The following DNAH10 variants were observed in gnomAD, a reference collection of about 807,000 sequenced individuals.
DNAH10 encodes axonemal beta dynein heavy chain 10.
Under a neutral mutation model 506.6 loss-of-function variants are expected in DNAH10, and 348 were observed. The observed-to-expected ratio is 0.69, with a 90% CI of 0.63 to 0.75. The LOEUF (loss-of-function observed/expected upper bound fraction) is 0.75, where lower values mean the gene tolerates loss of function less well. Ranked by LOEUF, DNAH10 falls within the 30% of genes least tolerant of loss-of-function variation. The pLI is 0.00. For missense variants in DNAH10, 5,179 were observed against 5,787.1 expected, an observed-to-expected ratio of 0.89 and a Z score of 3.41; for synonymous variants, 2,059 against 2,198.6, an observed-to-expected ratio of 0.94 and a Z score of 1.78.
chr12:123,831,572 T>C (rs964825999), intron 26 of DNAH10, among the ~76,000 whole-genome samples: 1 of 152,160 alleles, frequency 6.6e-6, no homozygotes, highest in Admixed American at 6.5e-5. Context: ...TGTAACCTAA[T>C]AGTACGTGTG....
At chr12:123,830,136 T>C (rs1960385002) in intron 25 of DNAH10, among the ~76,000 whole-genome samples, 1 of 152,200 alleles carries the variant, frequency 6.6e-6, no homozygotes, top group Non-Finnish European at 1.5e-5. Context: ...CCCAGTCCAC[T>C]GCCTGGCACG....
In DNAH10 at chr12:123,934,851, T is replaced by C; in HGVS notation, c.13623+85T>C. On this transcript the variant is annotated intron_variant, in intron 78 of 78. Coordinates refer to ENST00000673944, the MANE Select transcript of DNAH10 (RefSeq NM_001372106.1). ...TGGCTGAGGTGGTTTCCAACAGTCCTACTTTTTAAAACAGGGGTGCCTAAG... is the reference window on the plus strand; with the variant it reads ...TGGCTGAGGTGGTTTCCAACAGTCCCACTTTTTAAAACAGGGGTGCCTAAG... 7.1e-6 allele frequency: 11 copies of C among 1,542,842 alleles called. No individual in the cohort carries two copies. In the South Asian group the frequency reaches 1.2e-4, roughly 17 times the overall value.
At chr12:123,780,617 C>T (rs745651445) in intron 5 of DNAH10, among the ~76,000 whole-genome samples, 1 of 151,888 alleles carries the variant, frequency 6.6e-6, no homozygotes, top group South Asian at 2.1e-4. Context: ...GTCTGTGCTC[C>T]GGTTTGAGTG....
At chr12:123,796,033 A>AT (rs1194134742) in intron 12 of DNAH10, among the ~76,000 whole-genome samples, 1 of 152,160 alleles carries the variant, frequency 6.6e-6, no homozygotes, top group African/African-American at 2.4e-5. Flanking sequence ...TTAAAAAAAA[A>AT]CCAAAGGTCT....
intron 40 of DNAH10, among the ~76,000 whole-genome samples, chr12:123,865,349 C>G (rs1410681469): frequency 1.3e-5 from 2 of 152,134 alleles, no homozygotes; most frequent in East Asian, 3.9e-4. Flanking sequence ...CCCTCTATCT[C>G]TTAGGATATG....
intron 57 of DNAH10, among the ~76,000 whole-genome samples, chr12:123,905,495 C>T (rs1202906377): frequency 1.3e-5 from 2 of 152,174 alleles, no homozygotes; most frequent in African/African-American, 2.4e-5. Flanking sequence ...ACAATCCAAA[C>T]GAGTAGTACC....
chr12:123,886,474 C>T (rs896214241), intron 51 of DNAH10, among the ~76,000 whole-genome samples: 10 of 133,060 alleles, frequency 7.5e-5, no homozygotes, highest in East Asian at 2.1e-4. Flanking sequence ...GCGTTGCGCG[C>T]GCGCGCGTGT....
intron 41 of DNAH10, 86 bp downstream of exon 41, chr12:123,866,159 A>C: frequency 8.8e-7 from 1 of 1,139,812 alleles, no homozygotes; most frequent in East Asian, 3.7e-5. Context: ...TTTGTAGTTG[A>C]AGGCGATGAC....
chr12:123,932,254 A>T (rs1955249563), intron 76 of DNAH10, 146 bp downstream of exon 76: 1 of 999,376 alleles, frequency 1.0e-6, no homozygotes, highest in Non-Finnish European at 1.5e-6. Flanking sequence ...TGAGATTCTT[A>T]CAAGCCTATC....
At chr12:123,820,392 C>T (rs891626601) in intron 23 of DNAH10, among the ~76,000 whole-genome samples, 188 bp from the exon 24 acceptor site, 1 of 152,164 alleles carries the variant, frequency 6.6e-6, no homozygotes, top group East Asian at 1.9e-4. Context: ...AATTTTCTAA[C>T]TGGAGGAGAC....
At chr12:123,855,244 G>C (rs1951339243) in intron 36 of DNAH10, among the ~76,000 whole-genome samples, 1 of 152,198 alleles carries the variant, frequency 6.6e-6, no homozygotes, top group African/African-American at 2.4e-5. Flanking sequence ...GCTGAGTAGA[G>C]AAGCAGGACT....
At chr12:123,934,150 T>C (rs1198179437) in intron 77 of DNAH10, 1 of 670,558 alleles carries the variant, frequency 1.5e-6, no homozygotes, top group Admixed American at 2.1e-5. Context: ...GCCACAGGAG[T>C]GTGTTCCTCT....
intron 5 of DNAH10, among the ~76,000 whole-genome samples, chr12:123,774,838 A>G (rs1041193601): frequency 2.0e-5 from 3 of 152,096 alleles, no homozygotes; most frequent in Non-Finnish European, 4.4e-5. Flanking sequence ...CAGAGATTTT[A>G]TTTATGGCCA....
chr12:123,867,819 C>T, intron 42 of DNAH10, 84 bp from the exon 43 acceptor site: 1 of 1,428,734 alleles, frequency 7.0e-7, no homozygotes, highest in Admixed American at 2.1e-5. Flanking sequence ...CGCTCTGGGA[C>T]CTGGGATCCC....
rs528064282 is a variant in DNAH10, at chr12:123,867,388, T to C, written c.7168-79T>C. The C allele has an allele frequency of 2.6e-3, 3,852 of 1,491,850 alleles. 17 individuals carry two copies. The highest frequency in any genetic ancestry group is 3.1e-3 in the Non-Finnish European group (3,390 of 1,109,914). The allele number at this position is 1,491,850 out of a possible 1,614,324, so 92.4% of individuals were successfully genotyped here. ...TCAGAAGATGTTGCTCAACCCTCTT[T>C]GGGCAAGAAAAGCTTTCCACTAACT... On this transcript the variant is annotated intron_variant, in intron 41 of 78. Transcript: ENST00000673944.
intron 23 of DNAH10, among the ~76,000 whole-genome samples, chr12:123,819,717 T>C (rs1431530876): frequency 6.7e-6 from 1 of 148,444 alleles, no homozygotes; most frequent in Non-Finnish European, 1.5e-5. Context: ...TTTTTTTTTT[T>C]TTTTTGAGAC....
Position 123,763,563 on chromosome 12 carries a change from CTTTTTT to C in DNAH10, c.214+1026_214+1031del, listed in dbSNP as rs35395990. Reference sequence around the variant, plus strand: ...TCATTTATTGTATTCTATTTTTTAACTTTTTTTTTTTTTTTTTTGAGATAGGGTCTC... The same window carrying C: ...TCATTTATTGTATTCTATTTTTTAACTTTTTTTTTTTTGAGATAGGGTCTC... On this transcript the variant is annotated intron_variant, in intron 1 of 78. Transcript: ENST00000673944. Among the ~76,000 whole-genome samples, 6 of 129,512 alleles carry C rather than the reference CTTTTTT, an allele frequency of 4.6e-5. No homozygotes were observed. In the Admixed American group the frequency reaches 4.7e-4, roughly 10 times the overall value. The allele number at this position is 129,512 out of a possible 152,430, so 85.0% of individuals were successfully genotyped here.
At chr12:123,839,701 C>T (rs1414423036) in intron 29 of DNAH10, among the ~76,000 whole-genome samples, 2 of 125,650 alleles carry the variant, frequency 1.6e-5, no homozygotes, top group Admixed American at 1.9e-4. Context: ...CTCACTCTGT[C>T]GCCCAGGCCG....
chr12:123,804,737 G>GT, intron 17 of DNAH10, 96 bp from the exon 18 acceptor site: 5 of 1,321,190 alleles, frequency 3.8e-6, no homozygotes, highest in East Asian at 4.7e-5. Flanking sequence ...GCTGGTTTTG[G>GT]TTTTTTTAAG....
Sources: allele counts gnomAD v4.1 joint callset (sites outside exome capture counted in the v4.1 genomes callset), GRCh38; gene constraint gnomAD v4.1.1; transcripts MANE v1.5; gene names NCBI Gene and HGNC (gene_info 2026-07-23, HGNC 2026-07-21).